The following MAST4 variants were observed in gnomAD, a reference collection of about 807,000 sequenced individuals.
MAST4 encodes microtubule-associated serine/threonine-protein kinase 4.
A neutral mutation model predicts 162.7 loss-of-function variants in MAST4; 89 were observed. The observed-to-expected ratio is 0.55, with a 90% CI of 0.46 to 0.65. MAST4 has a LOEUF of 0.65. Ranked by LOEUF, MAST4 falls within the 30% of genes least tolerant of loss-of-function variation. The pLI, the probability that MAST4 is intolerant of heterozygous loss-of-function variation, is 0.00. For synonymous variants in MAST4, 1,479 were observed against 1,361.1 expected (o/e 1.09, Z -1.91); for missense variants, 3,153 against 3,374.0 (o/e 0.93, Z 1.62).
intron 1 of MAST4, 104 bp downstream of exon 1, chr5:66,597,122 G>A: frequency 8.0e-7 from 1 of 1,243,258 alleles, no homozygotes. Flanking sequence ...GTGGCCTGGA[G>A]ATAGGGAGGG....
intron 4 of MAST4, among the ~76,000 whole-genome samples, chr5:66,933,412 A>G (rs959713297): frequency 9.9e-5 from 15 of 152,156 alleles, no homozygotes; most frequent in Non-Finnish European, 2.9e-5. Flanking sequence ...TTTGGTCCCA[A>G]CTTATTTTTC....
chr5:66,782,879 G>A (rs79087545), intron 2 of MAST4, among the ~76,000 whole-genome samples: 1,523 of 152,216 alleles, frequency 0.01, 32 homozygotes, highest in African/African-American at 0.034. Flanking sequence ...GCATGAATAC[G>A]ACAGCAACAC....
At chr5:67,084,849 C>G (rs1053556145) in intron 5 of MAST4, among the ~76,000 whole-genome samples, 6 of 152,092 alleles carry the variant, frequency 3.9e-5, no homozygotes, top group Non-Finnish European at 7.4e-5. Flanking sequence ...CCATGAAATT[C>G]ATTATGCACT....
chr5:66,681,711 G>T (rs1225866135), intron 1 of MAST4, among the ~76,000 whole-genome samples: 1 of 152,218 alleles, frequency 6.6e-6, no homozygotes, highest in Non-Finnish European at 1.5e-5. Context: ...ATTGCAGGAG[G>T]ATCTGGGTGT....
intron 19 of MAST4, among the ~76,000 whole-genome samples, chr5:67,138,107 C>T (rs758334291): frequency 7.9e-5 from 12 of 152,294 alleles, no homozygotes; most frequent in Non-Finnish European, 1.8e-4. Flanking sequence ...TAAATCTCGG[C>T]TGTATGACCC....
intron 3 of MAST4, among the ~76,000 whole-genome samples, chr5:66,831,996 A>G (rs543271652): frequency 6.6e-6 from 1 of 152,178 alleles, no homozygotes; most frequent in East Asian, 1.9e-4. Context: ...TTTCTGTTAT[A>G]TGTTTCTCTT....
At chr5:66,624,400 G>A (rs1339399060) in intron 1 of MAST4, among the ~76,000 whole-genome samples, 4 of 151,988 alleles carry the variant, frequency 2.6e-5, no homozygotes, top group Middle Eastern at 3.4e-3. Context: ...TGATCTGCCC[G>A]CCTCGGCCTC....
intron 1 of MAST4, among the ~76,000 whole-genome samples, chr5:66,644,939 A>G (rs995424349): frequency 5.9e-5 from 9 of 151,488 alleles, no homozygotes; most frequent in East Asian, 3.9e-4. Flanking sequence ...ATTAGAACTA[A>G]GTGGAACCTT....
chr5:66,849,133 T>C (rs892577034), intron 3 of MAST4, among the ~76,000 whole-genome samples: 2 of 152,178 alleles, frequency 1.3e-5, no homozygotes, highest in African/African-American at 4.8e-5. Context: ...CTTTGTATTG[T>C]GATGAGGGGG....
chr5:66,597,164 A>G (rs1309577649), intron 1 of MAST4, 146 bp downstream of exon 1: 3 of 1,115,456 alleles, frequency 2.7e-6, no homozygotes, highest in Non-Finnish European at 1.1e-6. Context: ...GCACGGGACA[A>G]CGATAGTTAG....
intron 1 of MAST4, among the ~76,000 whole-genome samples, chr5:66,745,491 A>G (rs1026986557): frequency 5.3e-5 from 8 of 152,180 alleles, no homozygotes; most frequent in African/African-American, 1.9e-4. Flanking sequence ...CAATTAATCG[A>G]TCATCGATTA....
chr5:66,681,074 A>G (rs1249784621), intron 1 of MAST4, among the ~76,000 whole-genome samples: 1 of 152,136 alleles, frequency 6.6e-6, no homozygotes, highest in Non-Finnish European at 1.5e-5. Context: ...GCTTCACATT[A>G]CCTCTCATAC....
At chr5:67,118,655 GCTTAA>G in intron 12 of MAST4, 22 bp from the exon 13 acceptor site, 1 of 1,414,276 alleles carries the variant, frequency 7.1e-7, no homozygotes, top group Non-Finnish European at 9.7e-7. Flanking sequence ...TTTTTATTAA[GCTTAA>G]CTTTTTTTTT....
intron 11 of MAST4, 50 bp downstream of exon 11, chr5:67,110,249 C>A: frequency 7.6e-7 from 1 of 1,314,684 alleles, no homozygotes; most frequent in Non-Finnish European, 1.1e-6. Context: ...ACTGGGAAAG[C>A]AGTTACCATC....
chr5:66,793,820 C>T (rs1360802184), intron 3 of MAST4, among the ~76,000 whole-genome samples: 1 of 152,206 alleles, frequency 6.6e-6, no homozygotes. Context: ...TTGCTTGCCA[C>T]ATATTTCATT....
intron 1 of MAST4, among the ~76,000 whole-genome samples, chr5:66,680,184 G>T (rs938107068): frequency 4.6e-5 from 7 of 152,168 alleles, no homozygotes; most frequent in Non-Finnish European, 8.8e-5. Flanking sequence ...CTGAACTGGG[G>T]TCCCTCCTAA....
intron 1 of MAST4, among the ~76,000 whole-genome samples, chr5:66,757,423 C>T (rs556886243): frequency 6.6e-6 from 1 of 152,274 alleles, no homozygotes; most frequent in South Asian, 2.1e-4. Flanking sequence ...CACATTGCCA[C>T]CTTGTGGCTG....
At position 67,153,454 on chromosome 5, in the gene MAST4, T is replaced by G; in HGVS notation, c.3526-4T>G. On this transcript the variant is annotated splice_polypyrimidine_tract_variant and splice_region_variant and intron_variant, in intron 25 of 28. Transcript: ENST00000403625. Reference sequence around the variant, plus strand: ...TACAAATATCCTCTCCTCTTGGACTTTAGAATGTAGAAGAAGGAAGTCCGG... The same window carrying G: ...TACAAATATCCTCTCCTCTTGGACTGTAGAATGTAGAAGAAGGAAGTCCGG... 1 of 1,602,706 alleles carries G rather than the reference T, an allele frequency of 6.2e-7. No homozygotes were observed. The highest frequency in any genetic ancestry group is 8.5e-7 in the Non-Finnish European group (1 of 1,174,474).
chr5:66,867,053 G>C (rs980608466), intron 3 of MAST4, among the ~76,000 whole-genome samples: 2 of 152,174 alleles, frequency 1.3e-5, no homozygotes, highest in Non-Finnish European at 2.9e-5. Flanking sequence ...GAGCCACTAT[G>C]CCCAGCTAAT....
Sources: gnomAD v4.1 joint callset for allele counts (sites outside exome capture counted in the v4.1 genomes callset) on GRCh38, gnomAD v4.1.1 for gene constraint, MANE v1.5 for transcripts, NCBI Gene and HGNC (gene_info 2026-07-23, HGNC 2026-07-21) for gene names.